Variants in AAK1 observed in about 807,000 individuals in gnomAD.
The protein encoded by AAK1 is AP2 associated kinase 1, also known as AP2-associated protein kinase 1.
Under a neutral mutation model 116.0 loss-of-function variants are expected in AAK1, and 37 were observed. That is an observed-to-expected ratio of 0.32 (90% CI 0.25 to 0.42). The LOEUF is 0.42. AAK1 is among the 10% of genes least tolerant of loss of function. The probability of loss-of-function intolerance (pLI) is 1.00; values close to 1 mark genes in which losing one functional copy is unlikely to be tolerated. For synonymous variants in AAK1, 458 were observed against 439.9 expected (o/e 1.04, Z -0.51); for missense variants, 919 against 1,170.6 (o/e 0.79, Z 3.14).
intron 2 of AAK1, among the ~76,000 whole-genome samples, chr2:69,613,190 AT>A (rs1447363841): frequency 6.6e-6 from 1 of 152,216 alleles, no homozygotes; most frequent in Non-Finnish European, 1.5e-5. Flanking sequence ...CATGGGGCCA[AT>A]GATCAAGACC....
At chr2:69,588,033 G>A (rs1360100147) in intron 2 of AAK1, among the ~76,000 whole-genome samples, 1 of 151,984 alleles carries the variant, frequency 6.6e-6, no homozygotes. Flanking sequence ...TAAAGTGCTG[G>A]GATTACAGGC....
At chr2:69,501,045 G>A (rs1025108454) in intron 16 of AAK1, among the ~76,000 whole-genome samples, 1 of 152,060 alleles carries the variant, frequency 6.6e-6, no homozygotes, top group South Asian at 2.1e-4. Flanking sequence ...GACTCTCAGG[G>A]CTTATTCTGT....
intron 2 of AAK1, among the ~76,000 whole-genome samples, chr2:69,581,080 C>CCTG (rs1235322741): frequency 2.0e-5 from 3 of 151,890 alleles, no homozygotes; most frequent in African/African-American, 7.3e-5. Flanking sequence ...TTATCTAGAG[C>CCTG]CTGCTGAGAG....
intron 3 of AAK1, among the ~76,000 whole-genome samples, chr2:69,556,296 A>C (rs1011922273): frequency 6.6e-6 from 1 of 152,196 alleles, no homozygotes; most frequent in African/African-American, 2.4e-5. Context: ...TCCACAGATA[A>C]TGTTGCCTGT....
intron 16 of AAK1, among the ~76,000 whole-genome samples, chr2:69,505,027 T>G (rs1676125012): frequency 6.6e-6 from 1 of 152,164 alleles, no homozygotes; most frequent in South Asian, 2.1e-4. Flanking sequence ...GCTTCTATAC[T>G]TTTAACAAAG....
chr2:69,515,097 A>G (rs570356851), intron 12 of AAK1, among the ~76,000 whole-genome samples: 1 of 152,310 alleles, frequency 6.6e-6, no homozygotes, highest in African/African-American at 2.4e-5. Flanking sequence ...ACGATCTCCT[A>G]ATCATAGAGG....
rs1221279139 is a variant in AAK1 at position 69,493,066 on chromosome 2, G to A, written c.2365+2919C>T. 6.0e-5 allele frequency among the ~76,000 whole-genome samples: 9 copies of A among 150,136 alleles called. No homozygotes were observed. In the Admixed American group the frequency reaches 6.0e-4, roughly 10 times the overall value. On this transcript the variant is annotated intron_variant, in intron 17 of 21. Transcript: ENST00000409085. ...AAAAGGATGCAGTAAGGCTGAGGCAGGAGAATGGCGTGAACCCGGGAGGCG... is the reference window on the plus strand; with the variant it reads ...AAAAGGATGCAGTAAGGCTGAGGCAAGAGAATGGCGTGAACCCGGGAGGCG...
chr2:69,560,244 A>G (rs995530921), intron 2 of AAK1, among the ~76,000 whole-genome samples: 4 of 152,254 alleles, frequency 2.6e-5, no homozygotes, highest in African/African-American at 9.6e-5. Context: ...GAGAGGAGAT[A>G]GTGCCATTCA....
At chr2:69,590,977 A>G (rs1673002578) in intron 2 of AAK1, among the ~76,000 whole-genome samples, 1 of 152,246 alleles carries the variant, frequency 6.6e-6, no homozygotes, top group Non-Finnish European at 1.5e-5. Context: ...GATGAATGTC[A>G]GCTCGATTGC....
intron 2 of AAK1, among the ~76,000 whole-genome samples, chr2:69,619,431 C>T (rs57053325): frequency 0.13 from 20,054 of 152,116 alleles, 3,069 homozygotes; most frequent in African/African-American, 0.36. Context: ...CCTCTTCTTT[C>T]CCAAGGTTCA....
intron 2 of AAK1, among the ~76,000 whole-genome samples, chr2:69,577,461 C>G (rs1672359799): frequency 6.6e-6 from 1 of 152,092 alleles, no homozygotes; most frequent in East Asian, 1.9e-4. Flanking sequence ...ATTTACTCCC[C>G]TGCTGTGAAG....
Position 69,468,736 on chromosome 2 carries a change from G to A in AAK1, c.*7133C>T, listed in dbSNP as rs79183006. ...TGAACCAGGGGCACTTTGGATGCCT[G>A]AAGTGCTAGATTACATTTTGAGAAC... On this transcript the variant is annotated 3_prime_UTR_variant, in exon 22 of 22. Transcript: ENST00000409085. 1,989 of 985,438 alleles carry A rather than the reference G, an allele frequency of 2.0e-3. 19 individuals carry two copies. In the East Asian group the frequency reaches 0.034, roughly 17 times the overall value. The allele number at this position is 985,438 out of a possible 1,614,324, so 61.0% of individuals were successfully genotyped here.
At chr2:69,587,461 G>GTA (rs141085291) in intron 2 of AAK1, among the ~76,000 whole-genome samples, 142 of 137,790 alleles carry the variant, frequency 1.0e-3, no homozygotes, top group South Asian at 2.7e-3. Flanking sequence ...ATATGTGTGT[G>GTA]TATATATATA....
chr2:69,600,872 C>T (rs1234820738), intron 2 of AAK1, among the ~76,000 whole-genome samples: 1 of 152,206 alleles, frequency 6.6e-6, no homozygotes, highest in Admixed American at 6.5e-5. Flanking sequence ...GAAACTGTCA[C>T]AGTCACCCCA....
rs1674635718 is a variant in AAK1 at position 69,470,392 on chromosome 2, T to C, written c.*5477A>G. 1 of 985,312 alleles carries C rather than the reference T, an allele frequency of 1.0e-6. No homozygotes were observed. Among genetic ancestry groups the C allele is most frequent in the Admixed American group, 6.1e-5 (1 of 16,264 alleles). 61.0% of individuals were successfully genotyped at this position (985,312 alleles called of 1,614,324 possible). A position where few individuals can be genotyped will look rare whatever the true frequency, so the allele number is the denominator to read the frequency against. Reference sequence around the variant, plus strand: ...CAAGAGACGTACATCAAACTAATAATTACCATGACCTTCTAGCTCACATAA... The same window carrying C: ...CAAGAGACGTACATCAAACTAATAACTACCATGACCTTCTAGCTCACATAA... On this transcript the variant is annotated 3_prime_UTR_variant, in exon 22 of 22. Transcript: ENST00000409085.
intron 10 of AAK1, among the ~76,000 whole-genome samples, chr2:69,523,688 A>G (rs1164598569): frequency 6.6e-6 from 1 of 152,206 alleles, no homozygotes; most frequent in Non-Finnish European, 1.5e-5. Context: ...TAAAACCCCA[A>G]TGCTCAGCTG....
chr2:69,618,765 A>T (rs1354563845), intron 2 of AAK1, among the ~76,000 whole-genome samples: 1 of 151,850 alleles, frequency 6.6e-6, no homozygotes, highest in Non-Finnish European at 1.5e-5. Flanking sequence ...CAGCCTCCAG[A>T]TTTCTTCACG....
intron 2 of AAK1, among the ~76,000 whole-genome samples, chr2:69,572,681 AG>A (rs1672137320): frequency 6.6e-6 from 1 of 150,458 alleles, no homozygotes; most frequent in Non-Finnish European, 1.5e-5. Flanking sequence ...CTGAGTCTTG[AG>A]TGCCCCTTAA....
At chr2:69,604,221 C>T (rs180870872) in intron 2 of AAK1, among the ~76,000 whole-genome samples, 2 of 152,318 alleles carry the variant, frequency 1.3e-5, no homozygotes, top group East Asian at 3.9e-4. Context: ...ATCAGGCTGG[C>T]CAGACACCAT....
Sources: gnomAD v4.1 joint callset for allele counts (sites outside exome capture counted in the v4.1 genomes callset) on GRCh38, gnomAD v4.1.1 for gene constraint, MANE v1.5 for transcripts, NCBI Gene and HGNC (gene_info 2026-07-23, HGNC 2026-07-21) for gene names.